SYK: variants seen among roughly 807,000 people sequenced by gnomAD.
The protein encoded by SYK is spleen associated tyrosine kinase.
A neutral mutation model predicts 77.8 loss-of-function variants in SYK; 16 were observed. That is an observed-to-expected ratio of 0.21 (90% CI 0.14 to 0.31). SYK has a LOEUF of 0.31. Among genes scored for constraint, SYK ranks in the 10% least tolerant of loss-of-function variants. The pLI is 1.00. For synonymous variants in SYK, 312 were observed against 308.7 expected (o/e 1.01, Z -0.11); for missense variants, 529 against 814.4 (o/e 0.65, Z 4.26).
rs536999270 is a variant in SYK at position 90,828,194 on chromosome 9, T to A, written c.-41-15664T>A. 1.4e-4 allele frequency among the ~76,000 whole-genome samples: 20 copies of A among 147,086 alleles called. 1 individual carries two copies. In the East Asian group the frequency reaches 4.2e-3, roughly 31 times the overall value. On this transcript the variant is annotated intron_variant, in intron 1 of 13. Coordinates refer to ENST00000375754, the MANE Select transcript of SYK (RefSeq NM_003177.7). ...AGGCACAGACAAGAGATGTTAGGTC[T>A]GCCGGCTGTTGTCATTGCAGTCTGC...
In SYK at chr9:90,888,570, G is replaced by A. The variant is rs1188120746; in HGVS notation, c.1778G>A (p.Cys593Tyr). The A allele has an allele frequency of 1.2e-6, 2 of 1,612,586 alleles. No individual in the cohort carries two copies. The highest frequency in any genetic ancestry group is 1.7e-6 in the Non-Finnish European group (2 of 1,179,530). Reference sequence around the variant, plus strand: ...TTAGAGAAAGGAGAGCGGATGGGGTGCCCTGCAGGGTGTCCAAGAGAGATG... The same window carrying A: ...TTAGAGAAAGGAGAGCGGATGGGGTACCCTGCAGGGTGTCCAAGAGAGATG... ...AMLEKGERMG[C>Y]PAGCPREMYD... Residue 593 changes from cysteine (C) to tyrosine (Y), a missense_variant, in exon 13 of 14, where the codon TGC becomes TAC. This residue lies in a region of SYK where 208 missense variants were observed against 381.3 expected (regional missense o/e 0.55). Transcript: ENST00000375754.
At chr9:90,856,735 C>T (rs778473428) in intron 3 of SYK, among the ~76,000 whole-genome samples, 3 of 152,002 alleles carry the variant, frequency 2.0e-5, no homozygotes, top group Admixed American at 6.6e-5. Flanking sequence ...ATTCTACTAC[C>T]GAAACTTTTG....
intron 4 of SYK, among the ~76,000 whole-genome samples, chr9:90,863,934 T>A (rs1827368617): frequency 6.6e-6 from 1 of 152,240 alleles, no homozygotes; most frequent in Non-Finnish European, 1.5e-5. Flanking sequence ...ATCTTTACTA[T>A]TTGTATTGAT....
At chr9:90,846,542 G>C (rs905237351) in intron 3 of SYK, among the ~76,000 whole-genome samples, 1 of 152,130 alleles carries the variant, frequency 6.6e-6, no homozygotes, top group Non-Finnish European at 1.5e-5. Context: ...GCAGTGGCAC[G>C]CACCTGTAGT....
chr9:90,876,306 A>G (rs1564113911), intron 9 of SYK, among the ~76,000 whole-genome samples: 1 of 112,898 alleles, frequency 8.9e-6, no homozygotes, highest in Non-Finnish European at 2.0e-5. Flanking sequence ...AAAAAAAAAA[A>G]GAAAGAAAGA....
chr9:90,802,463 C>T (rs551734705), intron 1 of SYK, among the ~76,000 whole-genome samples: 96 of 152,268 alleles, frequency 6.3e-4, no homozygotes, highest in Admixed American at 1.0e-3. Context: ...CATAATTACT[C>T]TTGTGGATAC....
At chr9:90,893,991 C>G (rs1230018122) in intron 13 of SYK, among the ~76,000 whole-genome samples, 1 of 152,208 alleles carries the variant, frequency 6.6e-6, no homozygotes, top group Non-Finnish European at 1.5e-5. Context: ...GGCAGCATCT[C>G]CCATGGATGT....
Position 90,836,302 on chromosome 9 carries a change from A to G in SYK, c.-41-7556A>G, listed in dbSNP as rs891604739. The stretch of plus-strand genomic sequence containing the variant: ...ACTTCATCTCAAAAAAAAAAAAAAA[A>G]AGTTAAGAAAAAGTTAAGTGTATAT... On this transcript the variant is annotated intron_variant, in intron 1 of 13. Coordinates refer to ENST00000375754, the MANE Select transcript of SYK (RefSeq NM_003177.7). Among the ~76,000 whole-genome samples the G allele has an allele frequency of 4.1e-4, 62 of 152,060 alleles. 1 individual carries two copies. The highest frequency in any genetic ancestry group is 1.4e-3 in the East Asian group (7 of 5,182).
intron 11 of SYK, among the ~76,000 whole-genome samples, chr9:90,883,604 G>T (rs986178332): frequency 6.6e-6 from 1 of 152,040 alleles, no homozygotes; most frequent in Non-Finnish European, 1.5e-5. Flanking sequence ...CCCTCCCTGC[G>T]TATCACAGCC....
Position 90,897,421 on chromosome 9 carries a change from C to T in SYK, c.*1821C>T, listed in dbSNP as rs202054985. The stretch of plus-strand genomic sequence containing the variant: ...ATGACAAAATATCTGTCAGCCAGGC[C>T]ACAAACAGGTGTAAAATTATGAAAG... On this transcript the variant is annotated 3_prime_UTR_variant, in exon 14 of 14. Transcript: ENST00000375754. 2 of 232,052 alleles carry T rather than the reference C, an allele frequency of 8.6e-6. No individual in the cohort carries two copies. The highest frequency in any genetic ancestry group is 2.2e-5 in the African/African-American group (1 of 45,260). 14.4% of individuals were successfully genotyped at this position (232,052 alleles called of 1,614,324 possible). A position where few individuals can be genotyped will look rare whatever the true frequency, so the allele number is the denominator to read the frequency against.
At position 90,844,043 on chromosome 9, in the gene SYK, G is replaced by T; in HGVS notation, c.145G>T (p.Gly49Cys). 6.2e-7 allele frequency: 1 copy of T among 1,612,778 alleles called. No homozygotes were observed. The highest frequency in any genetic ancestry group is 8.5e-7 in the Non-Finnish European group (1 of 1,179,356). Residue 49 changes from glycine (G) to cysteine (C), a missense_variant, in exon 2 of 14, where the codon GGT (glycine) becomes TGT (cysteine). Around this residue, in one of 2 missense-constraint regions of SYK, gnomAD observed 321 missense variants for 433.1 expected, o/e 0.74. Coordinates refer to ENST00000375754, the MANE Select transcript of SYK (RefSeq NM_003177.7). ...YLLRQSRNYL[G>C]GFALSVAHGR... ...GCTGCGCCAGAGCCGCAACTACCTG[G>T]GTGGCTTCGCCCTGTCCGTGGCCCA... is the stretch of plus-strand genomic sequence containing the variant.
At chr9:90,863,037 A>G (rs1827339414) in intron 4 of SYK, among the ~76,000 whole-genome samples, 1 of 152,176 alleles carries the variant, frequency 6.6e-6, no homozygotes, top group Middle Eastern at 3.2e-3. Context: ...ACCCTGAAAC[A>G]ACTCCCAATT....
At chr9:90,834,828 C>T (rs1394680450) in intron 1 of SYK, among the ~76,000 whole-genome samples, 2 of 152,136 alleles carry the variant, frequency 1.3e-5, no homozygotes, top group East Asian at 3.9e-4. Context: ...CTTCTTTTAT[C>T]AGTGTGGCCC....
rs544973274 is a variant in SYK at position 90,869,259 on chromosome 9, G to C, written c.915+2060G>C. On this transcript the variant is annotated intron_variant, in intron 7 of 13. Coordinates refer to ENST00000375754, the MANE Select transcript of SYK (RefSeq NM_003177.7). ...GAGAGTAATTAATCTGATTAATATT[G>C]TGAAAATACCTTTCTGGCAAAAAAA... Among the ~76,000 whole-genome samples the C allele has an allele frequency of 2.6e-5, 4 of 151,922 alleles. No homozygotes were observed. In the South Asian group the frequency reaches 8.3e-4, roughly 32 times the overall value.
Position 90,877,525 on chromosome 9 carries a change from T to C in SYK, c.1182-46T>C, listed in dbSNP as rs867007523. The C allele has an allele frequency of 2.5e-6, 4 of 1,598,594 alleles. No homozygotes were observed. In the African/African-American group the frequency reaches 5.4e-5, roughly 21 times the overall value. On this transcript the variant is annotated intron_variant, in intron 9 of 13. Coordinates refer to ENST00000375754, the MANE Select transcript of SYK (RefSeq NM_003177.7). The stretch of plus-strand genomic sequence containing the variant: ...TTCACAGGATAAGATTATCTAGAAG[T>C]GAGGCATTTTGGAAAGTTTCTTGTG...
At chr9:90,845,293 GT>G (rs1352614624) in intron 2 of SYK, 140 bp from the exon 3 acceptor site, 3 of 875,924 alleles carry the variant, frequency 3.4e-6, no homozygotes, top group South Asian at 1.8e-5. Flanking sequence ...GGTCTTTCTG[GT>G]TTTATTTACT....
chr9:90,864,924 C>A, intron 5 of SYK, 124 bp from the exon 6 acceptor site: 3 of 963,936 alleles, frequency 3.1e-6, no homozygotes, highest in Non-Finnish European at 4.9e-6. Flanking sequence ...GAAGTACCTG[C>A]AGAAAGCGTG....
intron 1 of SYK, among the ~76,000 whole-genome samples, chr9:90,827,124 TATACCC>T (rs935167709): frequency 6.6e-6 from 1 of 151,984 alleles, no homozygotes; most frequent in African/African-American, 2.4e-5. Context: ...AAAACCTCGC[TATACCC>T]ATTCCAGCAA....
intron 3 of SYK, among the ~76,000 whole-genome samples, chr9:90,850,389 G>T (rs1459180151): frequency 1.3e-5 from 2 of 152,172 alleles, no homozygotes; most frequent in Admixed American, 6.5e-5. Context: ...AGTGGTGTGT[G>T]CCTGTAGTCC....
Sources: allele counts gnomAD v4.1 joint callset (sites outside exome capture counted in the v4.1 genomes callset), GRCh38; gene constraint gnomAD v4.1.1; regional missense constraint gnomAD v4.1.1; transcripts MANE v1.5; gene names NCBI Gene and HGNC (gene_info 2026-07-23, HGNC 2026-07-21).